The following CRMP1 variants were observed in gnomAD, a reference collection of about 807,000 sequenced individuals.
CRMP1 encodes the protein dihydropyrimidinase-related protein 1.
A neutral mutation model predicts 68.3 loss-of-function variants in CRMP1; 19 were observed. The ratio of observed to expected loss-of-function variants is 0.28; its 90% confidence interval spans 0.19 to 0.41. CRMP1 has a LOEUF of 0.41. Ranked by LOEUF, CRMP1 falls within the 10% of genes least tolerant of loss-of-function variation. The probability of loss-of-function intolerance (pLI) is 1.00; values close to 1 mark genes in which losing one functional copy is unlikely to be tolerated. For missense variants in CRMP1, 791 were observed against 967.4 expected (o/e 0.82, Z 2.42); for synonymous variants, 439 against 399.6 (o/e 1.10, Z -1.18).
intron 6 of CRMP1, among the ~76,000 whole-genome samples, chr4:5,847,053 G>C (rs956619430): frequency 6.6e-6 from 1 of 152,120 alleles, no homozygotes; most frequent in Non-Finnish European, 1.5e-5. Flanking sequence ...GAGCTATGGA[G>C]ACTTATTCTC....
At chr4:5,822,562 ACCT>A (rs1718826571) in intron 13 of CRMP1, among the ~76,000 whole-genome samples, 1 of 151,442 alleles carries the variant, frequency 6.6e-6, no homozygotes, top group Non-Finnish European at 1.5e-5. Flanking sequence ...TTCTACTTTT[ACCT>A]ATTCTCTTGC....
Position 5,858,939 on chromosome 4 carries a change from C to A in CRMP1, c.655+2087G>T, listed in dbSNP as rs1266515141. Among the ~76,000 whole-genome samples the A allele has an allele frequency of 6.6e-6, 1 of 152,148 alleles. No homozygotes were observed. Among genetic ancestry groups the A allele is most frequent in the East Asian group, 1.9e-4 (1 of 5,178 alleles). On this transcript the variant is annotated intron_variant, in intron 3 of 13. Coordinates refer to ENST00000324989, the MANE Select transcript of CRMP1 (RefSeq NM_001014809.3). This position sits in a 1 kb window ranked among gnomAD's most constrained non-coding sequence, Gnocchi z 5.5. ...CCTCCTGGGGCTCTGCTTTTCTCTGCCCTCTTCTCCCGGTTAATTCCAACT... is the reference window on the plus strand; with the variant it reads ...CCTCCTGGGGCTCTGCTTTTCTCTGACCTCTTCTCCCGGTTAATTCCAACT...
Position 5,842,428 on chromosome 4 carries a change from CA to C in CRMP1, c.1032+664del, listed in dbSNP as rs71171489. Among the ~76,000 whole-genome samples the C allele has an allele frequency of 0.55, 54,796 of 99,032 alleles. 11,707 individuals are homozygous for C. Among genetic ancestry groups the C allele is most frequent in the African/African-American group, 0.6 (16,864 of 27,970 alleles). 65.0% of individuals were successfully genotyped at this position (99,032 alleles called of 152,430 possible). ...TGGGCAACAGAGAGAGACTCCATCT[CA>C]AAAAAAAAAAAAAAAAAAGAAAAGA... On this transcript the variant is annotated intron_variant, in intron 7 of 13. Coordinates refer to ENST00000324989, the MANE Select transcript of CRMP1 (RefSeq NM_001014809.3). The surrounding 1 kb of genome is among the most constrained non-coding windows in gnomAD (Gnocchi z 4.5).
rs71171490 is a variant in CRMP1, at chr4:5,846,757, ATTTTTTTTTTTTTTTTTTTT to A, written c.963+2615_963+2634del. On this transcript the variant is annotated intron_variant, in intron 6 of 13. Coordinates refer to ENST00000324989, the MANE Select transcript of CRMP1 (RefSeq NM_001014809.3). ...AGGCACCCGCCACCATGCCCGGCTA[ATTTTTTTTTTTTTTTTTTTT>A]TTTTTTTTTTTTTTTTTAGTAGAGG... Among the ~76,000 whole-genome samples, 110 of 53,740 alleles carry A rather than the reference ATTTTTTTTTTTTTTTTTTTT, an allele frequency of 2.0e-3. No individual in the cohort carries two copies. In the South Asian group the frequency reaches 0.044, roughly 22 times the overall value. The allele number at this position is 53,740 out of a possible 152,430, so 35.3% of individuals were successfully genotyped here.
intron 1 of CRMP1, chr4:5,887,856 C>T: frequency 1.0e-6 from 1 of 995,928 alleles, no homozygotes; most frequent in Non-Finnish European, 1.2e-6. Context: ...GCTCAGCTCA[C>T]CCTCCCACCC....
In CRMP1 at chr4:5,843,061, T is replaced by C. The variant is rs1424684784; in HGVS notation, c.1032+32A>G. The C allele has an allele frequency of 1.9e-6, 3 of 1,608,152 alleles. No individual in the cohort carries two copies. The highest frequency in any genetic ancestry group is 1.7e-6 in the Non-Finnish European group (2 of 1,175,324). On this transcript the variant is annotated intron_variant, in intron 7 of 13. Coordinates refer to ENST00000324989, the MANE Select transcript of CRMP1 (RefSeq NM_001014809.3). This position sits in a 1 kb window ranked among gnomAD's most constrained non-coding sequence, Gnocchi z 4.1. ...CAAGGTGAGTGCTCAGTGGTGAGTG[T>C]CAGAGTCATGCCCAAGTTGAGGAGT...
At position 5,821,536 on chromosome 4, in the gene CRMP1, C is replaced by T. The variant is rs990431980; in HGVS notation, c.*224G>A. ...AAGGGGGAATGAAAACACCATGCTC[C>T]GAGGTGGATTCAGCATGAACACAAC... On this transcript the variant is annotated 3_prime_UTR_variant, in exon 14 of 14. Coordinates refer to ENST00000324989, the MANE Select transcript of CRMP1 (RefSeq NM_001014809.3). This position sits in a 1 kb window ranked among gnomAD's most constrained non-coding sequence, Gnocchi z 4.4. 32 of 551,458 alleles carry T rather than the reference C, an allele frequency of 5.8e-5. No individual in the cohort carries two copies. The highest frequency in any genetic ancestry group is 2.6e-4 in the African/African-American group (14 of 53,340). 34.2% of individuals were successfully genotyped at this position (551,458 alleles called of 1,614,324 possible).
rs1715205339 is a variant in CRMP1 at position 5,881,313 on chromosome 4, C to T, written c.381+11276G>A. 1.3e-5 allele frequency among the ~76,000 whole-genome samples: 2 copies of T among 152,194 alleles called. No individual in the cohort carries two copies. The highest frequency in any genetic ancestry group is 4.8e-5 in the African/African-American group (2 of 41,432). On this transcript the variant is annotated intron_variant, in intron 1 of 13. Coordinates refer to ENST00000324989, the MANE Select transcript of CRMP1 (RefSeq NM_001014809.3). The surrounding 1 kb of genome is among the most constrained non-coding windows in gnomAD (Gnocchi z 4.6). ...AATTCAGAGTTGTTTCTTCTCAGAG[C>T]AAAGCTATGATTTGGTCATTACAGC...
chr4:5,825,825 G>A lies in CRMP1; in HGVS notation c.1804-166C>T, dbSNP rs985978444. The A allele has an allele frequency of 1.7e-5, 11 of 654,340 alleles. No individual in the cohort carries two copies. The highest frequency in any genetic ancestry group is 1.0e-4 in the Admixed American group (3 of 28,604). The allele number at this position is 654,340 out of a possible 1,614,324, so 40.5% of individuals were successfully genotyped here. On this transcript the variant is annotated intron_variant, in intron 12 of 13. Coordinates refer to ENST00000324989, the MANE Select transcript of CRMP1 (RefSeq NM_001014809.3). This position sits in a 1 kb window ranked among gnomAD's most constrained non-coding sequence, Gnocchi z 4.4. ...CACGACAGGTGCACTTCACACACATGCAGCCGCACACAGGCATTCATACAC... is the reference window on the plus strand; with the variant it reads ...CACGACAGGTGCACTTCACACACATACAGCCGCACACAGGCATTCATACAC...
intron 11 of CRMP1, among the ~76,000 whole-genome samples, chr4:5,831,669 C>A (rs1387610210): frequency 1.3e-5 from 2 of 152,168 alleles, no homozygotes; most frequent in Non-Finnish European, 2.9e-5. Flanking sequence ...GGGTGAGGAA[C>A]GTGCTGTGCT....
In CRMP1 at chr4:5,834,933, T is replaced by C. The variant is rs894276405; in HGVS notation, c.1623+982A>G. ...GACCTCTGCTTCTGCAGGCCATGTCTGTGGCAGCCAATGGATACTCCAGGG... is the reference window on the plus strand; with the variant it reads ...GACCTCTGCTTCTGCAGGCCATGTCCGTGGCAGCCAATGGATACTCCAGGG... On this transcript the variant is annotated intron_variant, in intron 11 of 13. Coordinates refer to ENST00000324989, the MANE Select transcript of CRMP1 (RefSeq NM_001014809.3). This position sits in a 1 kb window ranked among gnomAD's most constrained non-coding sequence, Gnocchi z 4.3. 6.6e-6 allele frequency among the ~76,000 whole-genome samples: 1 copy of C among 152,170 alleles called. No individual in the cohort carries two copies. Among genetic ancestry groups the C allele is most frequent in the Non-Finnish European group, 1.5e-5 (1 of 68,028 alleles).
intron 6 of CRMP1, among the ~76,000 whole-genome samples, chr4:5,847,915 A>C (rs1712338630): frequency 1.3e-5 from 2 of 152,106 alleles, no homozygotes; most frequent in South Asian, 4.2e-4. Context: ...CTGCATCCAA[A>C]CCTTCCCCTA....
rs532522233 is a variant in CRMP1 at position 5,843,747 on chromosome 4, C to T, written c.964-586G>A. 4.1e-4 allele frequency among the ~76,000 whole-genome samples: 63 copies of T among 152,264 alleles called. No homozygotes were observed. The highest frequency in any genetic ancestry group is 1.4e-3 in the African/African-American group (58 of 41,552). On this transcript the variant is annotated intron_variant, in intron 6 of 13. Transcript: ENST00000324989. The surrounding 1 kb of genome is among the most constrained non-coding windows in gnomAD (Gnocchi z 4.1). ...GAGCGAGCATACGAAACATGCTCAG[C>T]ACAAAACCTGGAGCTGAGCGAGCAC...
rs928524916 is a variant in CRMP1, at chr4:5,889,053, C to G, written c.381+3536G>C. On this transcript the variant is annotated intron_variant, in intron 1 of 13. Coordinates refer to ENST00000324989, the MANE Select transcript of CRMP1 (RefSeq NM_001014809.3). The surrounding 1 kb of genome is among the most constrained non-coding windows in gnomAD (Gnocchi z 4.5). ...GTACCCTCTCCCTGAATAGTCTACC[C>G]CAGACAAAAGCCTGTCCACTCCCCT... Among the ~76,000 whole-genome samples the G allele has an allele frequency of 8.5e-5, 13 of 152,186 alleles. No homozygotes were observed. Among genetic ancestry groups the G allele is most frequent in the Admixed American group, 3.3e-4 (5 of 15,296 alleles).
Position 5,889,772 on chromosome 4 carries a change from G to C in CRMP1, c.381+2817C>G. The C allele has an allele frequency of 6.5e-7, 1 of 1,532,498 alleles. No homozygotes were observed. Among genetic ancestry groups the C allele is most frequent in the Non-Finnish European group, 8.7e-7 (1 of 1,144,318 alleles). The allele number at this position is 1,532,498 out of a possible 1,614,324, so 94.9% of individuals were successfully genotyped here. On this transcript the variant is annotated intron_variant, in intron 1 of 13. Transcript: ENST00000324989. The surrounding 1 kb of genome is among the most constrained non-coding windows in gnomAD (Gnocchi z 4.5). The stretch of plus-strand genomic sequence containing the variant: ...CAGCTCCCCCAGCACTGTGGTTGGG[G>C]GCTGGGGCCCTGACCTTCACCACCC...
At chr4:5,836,212 A>T in intron 10 of CRMP1, 127 bp from the exon 11 acceptor site, 1 of 794,878 alleles carries the variant, frequency 1.3e-6, no homozygotes. Flanking sequence ...TCTCCCAGCT[A>T]AAAACGTGCC....
Position 5,828,602 on chromosome 4 carries a change from C to T in CRMP1, c.1690G>A (p.Gly564Ser). The change falls in exon 12 of 14, where the codon GGC becomes AGC. Residue 564 changes from glycine (G) to serine (S), a missense_variant. Gly to Ser is a moderately conservative substitution (Grantham distance 56, BLOSUM62 0). Around this residue, in one of 3 missense-constraint regions of CRMP1, gnomAD observed 594 missense variants for 763.6 expected, o/e 0.78. Transcript: ENST00000324989. ...TTTCCGTCTTCAAAGACGATCTTGC[C>T]CTGGCTGATGACCACTAGTGGGGAG... ...HGSPLVVISQ[G>S]KIVFEDGNIN... 1.2e-6 allele frequency: 2 copies of T among 1,614,182 alleles called. No homozygotes were observed. Among genetic ancestry groups the T allele is most frequent in the Non-Finnish European group, 1.7e-6 (2 of 1,180,024 alleles).
intron 6 of CRMP1, among the ~76,000 whole-genome samples, chr4:5,845,260 T>C (rs1169979865): frequency 6.6e-6 from 1 of 152,200 alleles, no homozygotes; most frequent in Non-Finnish European, 1.5e-5. Flanking sequence ...AGCACCTTGC[T>C]TCTGATGAGC....
In CRMP1 at chr4:5,888,274, T is replaced by G; in HGVS notation, c.381+4315A>C. 7.9e-7 allele frequency: 1 copy of G among 1,273,774 alleles called. No individual in the cohort carries two copies. The highest frequency in any genetic ancestry group is 1.0e-6 in the Non-Finnish European group (1 of 1,003,136). The allele number at this position is 1,273,774 out of a possible 1,614,324, so 78.9% of individuals were successfully genotyped here. A position where few individuals can be genotyped will look rare whatever the true frequency, so the allele number is the denominator to read the frequency against. On this transcript the variant is annotated intron_variant, in intron 1 of 13. Transcript: ENST00000324989. The surrounding 1 kb of genome is among the most constrained non-coding windows in gnomAD (Gnocchi z 6.4). ...CTTGCCCTGGTACGACATGGCCCCC[T>G]CTGGCGCCCTCGGCCCGGCCGCTGA...
Sources: gnomAD v4.1 joint callset for allele counts (sites outside exome capture counted in the v4.1 genomes callset) on GRCh38, gnomAD v4.1.1 for gene constraint, gnomAD v4.1.1 regional missense constraint, Gnocchi (gnomAD v3.1) non-coding constraint, MANE v1.5 for transcripts, NCBI Gene and HGNC (gene_info 2026-07-23, HGNC 2026-07-21) for gene names.